Variants in FUT8 observed in about 807,000 individuals in gnomAD.
FUT8 encodes the protein alpha-(1,6)-fucosyltransferase.
In FUT8, 29 loss-of-function variants were observed where a neutral mutation model predicts 71.3. The observed-to-expected ratio is 0.41, with a 90% CI of 0.30 to 0.55. The LOEUF is 0.55. FUT8 is among the 20% of genes least tolerant of loss of function. FUT8 has a pLI of 0.34. For missense variants in FUT8, 544 were observed against 702.1 expected, an observed-to-expected ratio of 0.77 and a Z score of 2.55; for synonymous variants, 254 against 239.3, an observed-to-expected ratio of 1.06 and a Z score of -0.57.
chr14:65,557,780 T>C (rs754437962), intron 2 of FUT8, among the ~76,000 whole-genome samples: 4 of 152,166 alleles, frequency 2.6e-5, no homozygotes, highest in Non-Finnish European at 4.4e-5. Flanking sequence ...TTATAAATTC[T>C]TGAAAGCCCA....
the FUT8 span, among the ~76,000 whole-genome samples, chr14:65,373,094 G>T: frequency 6.6e-6 from 1 of 151,850 alleles, no homozygotes; most frequent in Non-Finnish European, 1.5e-5. Context: ...ATAATAATAA[G>T]AAATTATTCA....
At position 65,742,509 on chromosome 14, in the gene FUT8, A is replaced by G; in HGVS notation, c.*99A>G. 1 of 1,002,572 alleles carries G rather than the reference A, an allele frequency of 1.0e-6. No individual in the cohort carries two copies. Among genetic ancestry groups the G allele is most frequent in the South Asian group, 1.7e-5 (1 of 59,348 alleles). 62.1% of individuals were successfully genotyped at this position (1,002,572 alleles called of 1,614,324 possible). ...AGATGAAGAGGGCTCTGATCTAACA[A>G]AATAAGGTTATATGAGTAGATACTC... On this transcript the variant is annotated 3_prime_UTR_variant, in exon 11 of 11. Coordinates refer to ENST00000673929, the MANE Select transcript of FUT8 (RefSeq NM_001371533.1).
chr14:65,376,816 A>C, the FUT8 span, among the ~76,000 whole-genome samples: 1 of 152,192 alleles, frequency 6.6e-6, no homozygotes, highest in Non-Finnish European at 1.5e-5. Flanking sequence ...TCCATGTTTG[A>C]TGGGACTCAG....
At chr14:65,450,961 A>G (rs1478162697) in intron 1 of FUT8, among the ~76,000 whole-genome samples, 1 of 151,236 alleles carries the variant, frequency 6.6e-6, no homozygotes, top group African/African-American at 2.4e-5. Context: ...GGTTCACGCC[A>G]TTCTCCTGCC....
intron 3 of FUT8, among the ~76,000 whole-genome samples, chr14:65,609,398 T>A (rs1378539675): frequency 2.0e-5 from 3 of 151,948 alleles, no homozygotes; most frequent in African/African-American, 7.2e-5. Flanking sequence ...AAATCCAGTT[T>A]ATCAATTTTT....
intron 2 of FUT8, among the ~76,000 whole-genome samples, chr14:65,559,250 A>G (rs1223827335): frequency 2.6e-5 from 4 of 152,056 alleles, no homozygotes; most frequent in Non-Finnish European, 5.9e-5. Flanking sequence ...GGAAAGAAAA[A>G]AATTGTAATA....
At chr14:65,434,896 T>A (rs2065531823) in intron 1 of FUT8, among the ~76,000 whole-genome samples, 1 of 152,212 alleles carries the variant, frequency 6.6e-6, no homozygotes, top group African/African-American at 2.4e-5. Context: ...GATACACAGT[T>A]CTATGGATTT....
At chr14:65,558,222 C>G (rs1469058506) in intron 2 of FUT8, among the ~76,000 whole-genome samples, 1 of 150,936 alleles carries the variant, frequency 6.6e-6, no homozygotes, top group Non-Finnish European at 1.5e-5. Context: ...GTCTCAGCTA[C>G]TCGGGAGGCT....
At chr14:65,440,381 G>A (rs780889112) in intron 1 of FUT8, among the ~76,000 whole-genome samples, 14 of 150,902 alleles carry the variant, frequency 9.3e-5, no homozygotes, top group Non-Finnish European at 1.5e-4. Flanking sequence ...GGATCTCACT[G>A]TGTTGCCCAG....
At chr14:65,496,124 C>T (rs1402148984) in intron 2 of FUT8, among the ~76,000 whole-genome samples, 3 of 151,836 alleles carry the variant, frequency 2.0e-5, no homozygotes, top group Admixed American at 6.6e-5. Flanking sequence ...CTTAGTTGGC[C>T]CCCTTGAGGC....
chr14:65,410,830 G>A (rs2065115357), upstream of FUT8: 1 of 151,858 alleles, frequency 6.6e-6, no homozygotes, highest in African/African-American at 2.4e-5. Flanking sequence ...CCAGGCTGAA[G>A]TGGCTACTGA....
At chr14:65,396,283 G>C in the FUT8 span, among the ~76,000 whole-genome samples, 18 of 152,070 alleles carry the variant, frequency 1.2e-4, no homozygotes, top group African/African-American at 3.9e-4. This position sits in a 1 kb window ranked among gnomAD's most constrained non-coding sequence, Gnocchi z 5.5. Flanking sequence ...CCCCACTCTT[G>C]GTACCAACTT....
chr14:65,554,336 T>A (rs996824873), intron 2 of FUT8, among the ~76,000 whole-genome samples: 9 of 150,738 alleles, frequency 6.0e-5, no homozygotes, highest in Admixed American at 5.9e-4. Flanking sequence ...GTCTGATAGT[T>A]CAAATATCTG....
At chr14:65,540,006 C>T (rs1884582436) in intron 2 of FUT8, among the ~76,000 whole-genome samples, 1 of 152,192 alleles carries the variant, frequency 6.6e-6, no homozygotes, top group South Asian at 2.1e-4. Flanking sequence ...TCCAATGATA[C>T]TTCAAAATTG....
At chr14:65,692,363 C>CTT (rs1893673175) in intron 7 of FUT8, among the ~76,000 whole-genome samples, 1 of 138,466 alleles carries the variant, frequency 7.2e-6, no homozygotes. Flanking sequence ...GGGGGCTGAC[C>CTT]CCCCCACCTC....
intron 7 of FUT8, among the ~76,000 whole-genome samples, chr14:65,702,338 T>TC (rs1389585576): frequency 1.3e-5 from 1 of 75,056 alleles, no homozygotes; most frequent in Non-Finnish European, 2.6e-5. Context: ...AGAACAAAAC[T>TC]CCATCTCAAA....
chr14:65,626,151 A>G (rs1889884383), intron 5 of FUT8, among the ~76,000 whole-genome samples: 1 of 152,062 alleles, frequency 6.6e-6, no homozygotes, highest in South Asian at 2.1e-4. Flanking sequence ...TCTTGGTAGT[A>G]GAATTATTAG....
At chr14:65,368,903 A>T in the FUT8 span, among the ~76,000 whole-genome samples, 13 of 150,830 alleles carry the variant, frequency 8.6e-5, no homozygotes, top group Admixed American at 2.0e-4. Context: ...CAGGCAATCC[A>T]CCCGCCTTGG....
At chr14:65,606,733 A>T (rs932120473) in intron 3 of FUT8, among the ~76,000 whole-genome samples, 1 of 151,200 alleles carries the variant, frequency 6.6e-6, no homozygotes, top group Admixed American at 6.6e-5. Context: ...GGGAAATCCT[A>T]TTTTTTTTCT....
Sources: gnomAD v4.1 joint callset for allele counts (sites outside exome capture counted in the v4.1 genomes callset) on GRCh38, gnomAD v4.1.1 for gene constraint, Gnocchi (gnomAD v3.1) non-coding constraint, MANE v1.5 for transcripts, NCBI Gene and HGNC (gene_info 2026-07-23, HGNC 2026-07-21) for gene names.